The following EFCAB5 variants were observed in gnomAD, a reference collection of about 807,000 sequenced individuals.
The protein encoded by EFCAB5 is EF-hand calcium binding domain 5.
EFCAB5 carries 131 observed loss-of-function variants against 167.9 expected under a neutral mutation model. The ratio of observed to expected loss-of-function variants is 0.78; its 90% CI spans 0.68 to 0.90. EFCAB5 has a LOEUF of 0.90. Among genes scored for constraint, EFCAB5 ranks in the 40% least tolerant of loss-of-function variants. EFCAB5 has a pLI of 0.00. For missense variants in EFCAB5, 1,663 were observed against 1,745.2 expected (o/e 0.95, Z 0.84); for synonymous variants, 574 against 602.8 (o/e 0.95, Z 0.70).
intron 7 of EFCAB5, among the ~76,000 whole-genome samples, chr17:30,010,068 G>A (rs902680593): frequency 1.3e-5 from 2 of 152,116 alleles, no homozygotes; most frequent in Admixed American, 6.5e-5. Context: ...TTGGTTTTCT[G>A]TCCTTGTGAT....
chr17:30,048,643 A>G (rs915912351), intron 8 of EFCAB5, among the ~76,000 whole-genome samples: 8 of 151,950 alleles, frequency 5.3e-5, no homozygotes, highest in Admixed American at 6.6e-5. Flanking sequence ...ACGTGCCACC[A>G]TGCCTGGCTA....
In EFCAB5 at chr17:29,943,555, C is replaced by G; in HGVS notation, c.106-10C>G. The stretch of plus-strand genomic sequence containing the variant: ...CATTGAAATTGGTGATTTTTTTCCT[C>G]TTTTCAAAGACCTTACAGAGTGTGC... On this transcript the variant is annotated splice_polypyrimidine_tract_variant and intron_variant, in intron 2 of 22. Coordinates refer to ENST00000394835, the MANE Select transcript of EFCAB5 (RefSeq NM_198529.4). The G allele has an allele frequency of 6.4e-7, 1 of 1,557,306 alleles. No homozygotes were observed. Among genetic ancestry groups the G allele is most frequent in the Non-Finnish European group, 8.7e-7 (1 of 1,151,440 alleles).
chr17:30,043,122 A>C (rs2069820425), intron 8 of EFCAB5, among the ~76,000 whole-genome samples: 1 of 152,114 alleles, frequency 6.6e-6, no homozygotes, highest in Non-Finnish European at 1.5e-5. Context: ...CATCTCTTAG[A>C]AAAAAAGCTA....
At chr17:29,944,964 T>G (rs900874331) in intron 3 of EFCAB5, among the ~76,000 whole-genome samples, 8 of 152,112 alleles carry the variant, frequency 5.3e-5, no homozygotes. Context: ...GACCACATAT[T>G]TATTCCGTTT....
At chr17:30,020,088 T>C (rs1400889848) in intron 7 of EFCAB5, among the ~76,000 whole-genome samples, 1 of 152,200 alleles carries the variant, frequency 6.6e-6, no homozygotes, top group Non-Finnish European at 1.5e-5. Context: ...TTTATCCATG[T>C]TGTCACAAAT....
intron 7 of EFCAB5, among the ~76,000 whole-genome samples, chr17:30,023,866 G>C (rs980757309): frequency 6.6e-6 from 1 of 152,110 alleles, no homozygotes; most frequent in Non-Finnish European, 1.5e-5. Flanking sequence ...GGGATGCAAG[G>C]CTGGTTCAAT....
chr17:30,015,487 C>G (rs1275296762), intron 7 of EFCAB5, among the ~76,000 whole-genome samples: 5 of 152,032 alleles, frequency 3.3e-5, no homozygotes, highest in Admixed American at 2.6e-4. Flanking sequence ...ATTTGAAGAT[C>G]AAATTAATGA....
intron 8 of EFCAB5, among the ~76,000 whole-genome samples, chr17:30,044,069 A>C (rs2069850293): frequency 6.6e-6 from 1 of 152,194 alleles, no homozygotes; most frequent in African/African-American, 2.4e-5. Context: ...CCATATAAAG[A>C]CTCCTACAAC....
At chr17:29,987,664 A>G (rs2068317200) in intron 4 of EFCAB5, among the ~76,000 whole-genome samples, 1 of 152,190 alleles carries the variant, frequency 6.6e-6, no homozygotes, top group Middle Eastern at 3.2e-3. Flanking sequence ...TCAGGGAGAG[A>G]TTCATTCTTT....
intron 7 of EFCAB5, among the ~76,000 whole-genome samples, chr17:30,033,875 C>T (rs529644132): frequency 6.6e-6 from 1 of 152,178 alleles, no homozygotes; most frequent in Non-Finnish European, 1.5e-5. Flanking sequence ...CATAGAAAAA[C>T]TGCATTCAAT....
intron 14 of EFCAB5, among the ~76,000 whole-genome samples, chr17:30,063,992 A>G (rs1018902810): frequency 2.0e-5 from 3 of 152,162 alleles, no homozygotes; most frequent in Admixed American, 6.5e-5. Context: ...CCCAACTAGC[A>G]CACAAAATTT....
chr17:29,984,127 T>G (rs774413038), intron 4 of EFCAB5, among the ~76,000 whole-genome samples: 17 of 151,468 alleles, frequency 1.1e-4, no homozygotes, highest in Admixed American at 2.0e-4. Context: ...GAGTGAGTGG[T>G]TTAGTGAGTG....
chr17:30,092,819 T>C, intron 21 of EFCAB5, 21 bp from the exon 22 acceptor site: 1 of 1,571,778 alleles, frequency 6.4e-7, no homozygotes, highest in South Asian at 1.1e-5. Context: ...CCATAAATTT[T>C]CTCTTGTTGT....
intron 22 of EFCAB5, among the ~76,000 whole-genome samples, chr17:30,096,677 A>ATTTTTTTT (rs71278522): frequency 1.7e-4 from 10 of 60,128 alleles, no homozygotes; most frequent in African/African-American, 8.4e-4. Context: ...ATATATATAT[A>ATTTTTTTT]TTTTTTTTTT....
At chr17:29,970,233 A>C (rs2067919981) in intron 4 of EFCAB5, among the ~76,000 whole-genome samples, 1 of 152,096 alleles carries the variant, frequency 6.6e-6, no homozygotes, top group Non-Finnish European at 1.5e-5. Context: ...TTATTAATAA[A>C]TTCATATATA....
intron 8 of EFCAB5, among the ~76,000 whole-genome samples, chr17:30,041,177 CGAAA>C (rs1474847537): frequency 7.0e-6 from 1 of 142,820 alleles, no homozygotes; most frequent in Non-Finnish European, 1.5e-5. Flanking sequence ...ACTGACAGAT[CGAAA>C]GAAAGGAAGG....
intron 22 of EFCAB5, among the ~76,000 whole-genome samples, chr17:30,106,718 A>G (rs1390151140): frequency 6.6e-6 from 1 of 152,160 alleles, no homozygotes; most frequent in African/African-American, 2.4e-5. Flanking sequence ...CTGCCTCCCA[A>G]TGTGCTGGGA....
At chr17:30,104,579 T>C (rs1284968527) in intron 22 of EFCAB5, among the ~76,000 whole-genome samples, 1 of 151,440 alleles carries the variant, frequency 6.6e-6, no homozygotes, top group Non-Finnish European at 1.5e-5. Context: ...TTTCTATGGT[T>C]ATAAAAGAAG....
At chr17:30,014,805 G>A (rs2068992845) in intron 7 of EFCAB5, among the ~76,000 whole-genome samples, 1 of 152,098 alleles carries the variant, frequency 6.6e-6, no homozygotes, top group Admixed American at 6.6e-5. Flanking sequence ...TACATTTAAG[G>A]TTAATATTGT....
Sources: allele counts gnomAD v4.1 joint callset (sites outside exome capture counted in the v4.1 genomes callset), GRCh38; gene constraint gnomAD v4.1.1; transcripts MANE v1.5; gene names NCBI Gene and HGNC (gene_info 2026-07-23, HGNC 2026-07-21).